ZNF148: variants seen among roughly 807,000 people sequenced by gnomAD.
ZNF148 encodes the protein Beta-Enolase Repressor Factor-1.
In ZNF148, 7 loss-of-function variants were observed where a neutral mutation model predicts 67.7. The observed-to-expected ratio is 0.10, with a 90% confidence interval of 0.06 to 0.19. The LOEUF (loss-of-function observed/expected upper bound fraction) is 0.19, where lower values mean the gene tolerates loss of function less well. Ranked by LOEUF, ZNF148 falls within the 10% of genes least tolerant of loss-of-function variation. The pLI, the probability that ZNF148 is intolerant of heterozygous loss-of-function variation, is 1.00. For missense variants in ZNF148, 583 were observed against 947.1 expected (o/e 0.62, Z 5.05); for synonymous variants, 333 against 330.7 (o/e 1.01, Z -0.08).
rs1935737770 is a variant in ZNF148 at position 125,228,813 on chromosome 3, T to C, written c.*3528A>G. The C allele has an allele frequency of 6.6e-6, 1 of 152,610 alleles. No homozygotes were observed. Among genetic ancestry groups the C allele is most frequent in the Admixed American group, 6.6e-5 (1 of 15,266 alleles). The allele number at this position is 152,610 out of a possible 1,614,324, so 9.5% of individuals were successfully genotyped here. On this transcript the variant is annotated 3_prime_UTR_variant, in exon 9 of 9. Coordinates refer to ENST00000360647, the MANE Select transcript of ZNF148 (RefSeq NM_021964.3). ...AAAGATTCAATCATAGGTACATCCT[T>C]ATTTGATGAACCATATTTACAGCAT... is the stretch of plus-strand genomic sequence containing the variant.
At chr3:125,262,593 C>T (rs1937394560) in intron 7 of ZNF148, among the ~76,000 whole-genome samples, 1 of 152,210 alleles carries the variant, frequency 6.6e-6, no homozygotes, top group Admixed American at 6.5e-5. Context: ...TATTAAGAAA[C>T]ATTTTCAAGT....
intron 1 of ZNF148, among the ~76,000 whole-genome samples, chr3:125,358,899 C>T (rs1194861942): frequency 6.6e-6 from 1 of 152,150 alleles, no homozygotes; most frequent in Non-Finnish European, 1.5e-5. Context: ...AGGTCAAACC[C>T]CTGTATTGTG....
intron 4 of ZNF148, among the ~76,000 whole-genome samples, chr3:125,312,225 T>C (rs1392888057): frequency 6.6e-6 from 1 of 152,144 alleles, no homozygotes; most frequent in Non-Finnish European, 1.5e-5. Flanking sequence ...TAAAAAGAAC[T>C]ATATACCACA....
chr3:125,257,548 C>G (rs1173063975), intron 7 of ZNF148, among the ~76,000 whole-genome samples: 1 of 134,240 alleles, frequency 7.4e-6, no homozygotes, highest in Non-Finnish European at 1.6e-5. Context: ...GAGCGAGACT[C>G]CGTCTCTATT....
chr3:125,344,882 T>C (rs1941878741), intron 1 of ZNF148: 1 of 220,468 alleles, frequency 4.5e-6, no homozygotes, highest in Non-Finnish European at 9.0e-6. Context: ...GCCTGGATGC[T>C]CTGGGCTCTG....
intron 7 of ZNF148, among the ~76,000 whole-genome samples, chr3:125,245,304 T>C (rs960449662): frequency 3.9e-5 from 6 of 152,178 alleles, no homozygotes; most frequent in East Asian, 1.9e-4. Flanking sequence ...GTTCTCCTGA[T>C]AGTGAGTTCT....
intron 1 of ZNF148, among the ~76,000 whole-genome samples, chr3:125,350,916 G>T (rs147673846): frequency 6.6e-6 from 1 of 152,312 alleles, no homozygotes; most frequent in African/African-American, 2.4e-5. Flanking sequence ...AACATTATAA[G>T]TGAAACAAGC....
chr3:125,294,460 C>G (rs764307055), intron 4 of ZNF148, among the ~76,000 whole-genome samples: 2 of 152,182 alleles, frequency 1.3e-5, no homozygotes. Flanking sequence ...CATGCAAACT[C>G]TACTATTTCT....
chr3:125,278,863 T>G (rs1042099483), intron 6 of ZNF148, among the ~76,000 whole-genome samples: 2 of 152,214 alleles, frequency 1.3e-5, no homozygotes, highest in East Asian at 3.8e-4. Context: ...CATTCTTTAA[T>G]CATTTCTCTA....
intron 4 of ZNF148, among the ~76,000 whole-genome samples, chr3:125,308,698 T>G (rs1480164871): frequency 1.3e-5 from 2 of 152,212 alleles, no homozygotes; most frequent in Non-Finnish European, 2.9e-5. Context: ...AGTGTGACAC[T>G]GATTTAAAGA....
At chr3:125,252,934 T>G (rs890069667) in intron 7 of ZNF148, among the ~76,000 whole-genome samples, 4 of 152,202 alleles carry the variant, frequency 2.6e-5, no homozygotes, top group Non-Finnish European at 5.9e-5. Context: ...CAAATGATTA[T>G]AGCTTTATAA....
intron 7 of ZNF148, among the ~76,000 whole-genome samples, chr3:125,271,291 T>G (rs1319105023): frequency 6.6e-6 from 1 of 152,186 alleles, no homozygotes. Flanking sequence ...CCTTCCTGCT[T>G]TCCTCAGAAT....
At chr3:125,310,648 GAA>G (rs907808190) in intron 4 of ZNF148, among the ~76,000 whole-genome samples, 1 of 151,686 alleles carries the variant, frequency 6.6e-6, no homozygotes, top group Non-Finnish European at 1.5e-5. Flanking sequence ...GAAATAGAGG[GAA>G]AAAAATCAAG....
At position 125,227,388 on chromosome 3, in the gene ZNF148, T is replaced by A. The variant is rs188265631; in HGVS notation, c.*4953A>T. 6.5e-6 allele frequency: 1 copy of A among 152,700 alleles called. No homozygotes were observed. The highest frequency in any genetic ancestry group is 1.9e-4 in the East Asian group (1 of 5,192). The allele number at this position is 152,700 out of a possible 1,614,324, so 9.5% of individuals were successfully genotyped here. A position where few individuals can be genotyped will look rare whatever the true frequency, so the allele number is the denominator to read the frequency against. ...TATTAGTTGAAATACAAAGAAGGCA[T>A]AGGGGATCCCAGGAAAATAACACTA... On this transcript the variant is annotated 3_prime_UTR_variant, in exon 9 of 9. Transcript: ENST00000360647.
At chr3:125,244,501 G>GT (rs1303552854) in intron 7 of ZNF148, among the ~76,000 whole-genome samples, 126 of 145,594 alleles carry the variant, frequency 8.7e-4, no homozygotes, top group Middle Eastern at 3.6e-3. Flanking sequence ...AATCTTTTTT[G>GT]TTTTTTTTTT....
Position 125,279,104 on chromosome 3 carries a change from C to A in ZNF148, c.583+20G>T. The A allele has an allele frequency of 6.3e-7, 1 of 1,581,272 alleles. No individual in the cohort carries two copies. The highest frequency in any genetic ancestry group is 8.6e-7 in the Non-Finnish European group (1 of 1,165,248). Reference sequence around the variant, plus strand: ...ATAATAACTTTAATGGCCACAAGCCCATTTTAATTCAAGAAATACCTGTAT... The same window carrying A: ...ATAATAACTTTAATGGCCACAAGCCAATTTTAATTCAAGAAATACCTGTAT... On this transcript the variant is annotated intron_variant, in intron 6 of 8. Transcript: ENST00000360647.
intron 2 of ZNF148, among the ~76,000 whole-genome samples, chr3:125,326,889 A>G (rs914793352): frequency 8.0e-5 from 12 of 149,446 alleles, no homozygotes; most frequent in African/African-American, 2.9e-4. Context: ...GTGTGTGTGT[A>G]GCAGATACCA....
chr3:125,232,893 C>T lies in ZNF148; in HGVS notation c.1833G>A (p.Gln611=), dbSNP rs774089935. 26 of 1,613,846 alleles carry T rather than the reference C, an allele frequency of 1.6e-5. No individual in the cohort carries two copies. Among genetic ancestry groups the T allele is most frequent in the Non-Finnish European group, 1.9e-5 (22 of 1,179,820 alleles). The part of the protein sequence containing the change: ...MLQEYSKFLQ[Q]ALDRTSQNDA... ...CATTTTGGCTAGTTCTGTCCAAAGC[C>T]TGCTGCAGAAACTTGGAGTATTCCT... Residue 611 remains glutamine, a synonymous_variant, in exon 9 of 9, where the codon CAG becomes CAA. Transcript: ENST00000360647. This position sits in a 1 kb window ranked among gnomAD's most constrained non-coding sequence, Gnocchi z 4.2.
intron 1 of ZNF148, among the ~76,000 whole-genome samples, chr3:125,350,207 T>G (rs970175458): frequency 6.6e-6 from 1 of 152,194 alleles, no homozygotes; most frequent in Non-Finnish European, 1.5e-5. Flanking sequence ...TCACCCAGAC[T>G]ACAGTGCAGT....
Sources: gnomAD v4.1 joint callset for allele counts (sites outside exome capture counted in the v4.1 genomes callset) on GRCh38, gnomAD v4.1.1 for gene constraint, Gnocchi (gnomAD v3.1) non-coding constraint, MANE v1.5 for transcripts, NCBI Gene and HGNC (gene_info 2026-07-23, HGNC 2026-07-21) for gene names.